DNAH3: variants seen among roughly 807,000 people sequenced by gnomAD.
DNAH3 encodes the protein axonemal beta dynein heavy chain 3.
A neutral mutation model predicts 432.5 loss-of-function variants in DNAH3; 332 were observed. That is an observed-to-expected ratio of 0.77 (90% CI 0.70 to 0.84). The LOEUF is 0.84. Ranked by LOEUF, DNAH3 falls within the 40% of genes least tolerant of loss-of-function variation. The probability of loss-of-function intolerance (pLI) is 0.00; values close to 1 mark genes in which losing one functional copy is unlikely to be tolerated. For missense variants in DNAH3, 4,861 were observed against 5,114.0 expected, an observed-to-expected ratio of 0.95 and a Z score of 1.51; for synonymous variants, 1,956 against 1,900.2, an observed-to-expected ratio of 1.03 and a Z score of -0.76.
chr16:20,983,113 T>C lies in DNAH3; in HGVS notation c.7666-199A>G, dbSNP rs534814029. ...GGAGCCCATTACAATAGCCCCTTTT[T>C]AAAAAAAATTTTAATTTTTTATTTT... On this transcript the variant is annotated intron_variant, in intron 48 of 61. Coordinates refer to ENST00000261383, the Ensembl canonical transcript of DNAH3. Among the ~76,000 whole-genome samples, 7 of 151,978 alleles carry C rather than the reference T, an allele frequency of 4.6e-5. No homozygotes were observed. The East Asian group carries it at 9.7e-4, about 21-fold the overall frequency.
At chr16:20,941,360 C>G in intron 59 of DNAH3, 41 bp downstream of exon 59, 1 of 1,611,104 alleles carries the variant, frequency 6.2e-7, no homozygotes, top group Non-Finnish European at 8.5e-7. Flanking sequence ...CTACTCCTCA[C>G]GTTCCAACTC....
intron 25 of DNAH3, among the ~76,000 whole-genome samples, chr16:21,061,981 T>C (rs536306945): frequency 6.6e-6 from 1 of 152,346 alleles, no homozygotes; most frequent in Non-Finnish European, 1.5e-5. Flanking sequence ...TGCTTGTCTA[T>C]TTCCACTTGA....
chr16:20,958,886 G>C (rs1318619900), intron 54 of DNAH3, among the ~76,000 whole-genome samples: 1 of 152,128 alleles, frequency 6.6e-6, no homozygotes, highest in Non-Finnish European at 1.5e-5. Flanking sequence ...TCCCACCTCA[G>C]CCTCCTGAGT....
chr16:20,944,505 C>T lies in DNAH3; in HGVS notation c.11502G>A (p.Lys3834=), dbSNP rs1313953526. 6.2e-6 allele frequency: 10 copies of T among 1,614,110 alleles called. No homozygotes were observed. In the East Asian group the frequency reaches 8.9e-5, roughly 14 times the overall value. The change falls in exon 58 of 62, where the codon AAG becomes AAA. Residue 3834 remains lysine, a synonymous_variant. Transcript: ENST00000261383. ...TCCCGAGCCCAGTTACCTGAGGGGA[C>T]TTGCCACTTCCTCCTGACTGTCTAG...
chr16:20,979,322 G>C lies in DNAH3; in HGVS notation c.8076+8C>G, dbSNP rs770538287. The stretch of plus-strand genomic sequence containing the variant: ...TCTTTGTCTCTGTTCTGTTTTGGCA[G>C]TGCTCACCTGAGAAGCTGCAAAGTC... On this transcript the variant is annotated splice_region_variant and intron_variant, in intron 50 of 61. Coordinates refer to ENST00000261383, the Ensembl canonical transcript of DNAH3. 6.2e-7 allele frequency: 1 copy of C among 1,613,534 alleles called. No individual in the cohort carries two copies.
chr16:21,130,207 C>A (rs1436917053), intron 7 of DNAH3: 1 of 150,636 alleles, frequency 6.6e-6, no homozygotes, highest in Non-Finnish European at 1.5e-5. Flanking sequence ...CCTCCTAGAA[C>A]TATTGATGCT....
At chr16:21,152,795 C>G (rs1597503602) in intron 1 of DNAH3, among the ~76,000 whole-genome samples, 1 of 152,372 alleles carries the variant, frequency 6.6e-6, no homozygotes, top group East Asian at 1.9e-4. Context: ...CCCACCGGCG[C>G]TGCGCTCCAT....
chr16:21,005,839 C>CTT (rs200954605), intron 41 of DNAH3, among the ~76,000 whole-genome samples: 1,602 of 130,712 alleles, frequency 0.012, 23 homozygotes, highest in African/African-American at 0.042. Flanking sequence ...TTGCTCTATT[C>CTT]TTTTTTTTTT....
At chr16:21,101,869 A>C (rs1036093129) in intron 16 of DNAH3, among the ~76,000 whole-genome samples, 41 of 152,256 alleles carry the variant, frequency 2.7e-4, no homozygotes, top group Admixed American at 9.8e-4. Context: ...AACAGACAAG[A>C]GAATCCAACA....
chr16:20,997,835 TA>T (rs765854199), intron 43 of DNAH3, among the ~76,000 whole-genome samples: 3,083 of 74,532 alleles, frequency 0.041, 109 homozygotes, highest in African/African-American at 0.12. Context: ...CCTGTCTCCA[TA>T]AAAAAAAAAA....
chr16:21,145,315 C>T, exon 3 of DNAH3: 3 of 1,614,122 alleles, frequency 1.9e-6, no homozygotes, highest in Non-Finnish European at 2.5e-6. Flanking sequence ...ATCACTGGGT[C>T]CACGGTGGTG....
intron 29 of DNAH3, among the ~76,000 whole-genome samples, chr16:21,050,772 A>G (rs1013512402): frequency 6.6e-6 from 1 of 152,238 alleles, no homozygotes; most frequent in Non-Finnish European, 1.5e-5. Flanking sequence ...TTCAGGAATC[A>G]TATTTGATTC....
chr16:21,134,456 T>C lies in DNAH3; in HGVS notation c.887-2A>G. ...TTGGGTCCATGAGGATGTAATCAACTACAACCGGAAAGGGCGAACACCTCA... is the reference window on the plus strand; with the variant it reads ...TTGGGTCCATGAGGATGTAATCAACCACAACCGGAAAGGGCGAACACCTCA... On this transcript the variant is annotated splice_acceptor_variant, in intron 6 of 61. Transcript: ENST00000261383. LOFTEE classifies it high-confidence loss of function. The C allele has an allele frequency of 6.2e-7, 1 of 1,613,268 alleles. No homozygotes were observed. The highest frequency in any genetic ancestry group is 8.5e-7 in the Non-Finnish European group (1 of 1,179,600).
At chr16:21,100,218 C>A (rs2091801570) in intron 16 of DNAH3, among the ~76,000 whole-genome samples, 2 of 152,070 alleles carry the variant, frequency 1.3e-5, no homozygotes, top group Non-Finnish European at 2.9e-5. Context: ...ATTATAGGTG[C>A]CCGCCACCAT....
At chr16:21,057,408 C>T (rs568480993) in intron 27 of DNAH3, among the ~76,000 whole-genome samples, 41 of 152,220 alleles carry the variant, frequency 2.7e-4, no homozygotes, top group African/African-American at 8.7e-4. Context: ...GTCTAAGTAC[C>T]GAATCATTTA....
intron 41 of DNAH3, among the ~76,000 whole-genome samples, chr16:21,015,943 C>T (rs1464978184): frequency 6.6e-6 from 1 of 152,054 alleles, no homozygotes; most frequent in Non-Finnish European, 1.5e-5. Flanking sequence ...TGCCCACGAC[C>T]ATGTCCAGCT....
intron 5 of DNAH3, among the ~76,000 whole-genome samples, chr16:21,136,851 CA>C (rs969379456): frequency 8.6e-5 from 13 of 152,014 alleles, no homozygotes; most frequent in African/African-American, 3.1e-4. Flanking sequence ...AGAGGAATAA[CA>C]GGCCAGGTGT....
intron 41 of DNAH3, 80 bp from the exon 42 acceptor site, chr16:21,003,287 C>A: frequency 1.2e-6 from 1 of 865,398 alleles, no homozygotes. Context: ...TTAAGTCCCT[C>A]AGTTATCAGC....
intron 26 of DNAH3, among the ~76,000 whole-genome samples, chr16:21,059,460 G>A (rs2090263532): frequency 6.6e-6 from 1 of 152,074 alleles, no homozygotes; most frequent in African/African-American, 2.4e-5. Flanking sequence ...TGTGGGTGCT[G>A]GGAATAAGAA....
Sources: allele counts gnomAD v4.1 joint callset (sites outside exome capture counted in the v4.1 genomes callset), GRCh38; gene constraint gnomAD v4.1.1; transcripts MANE v1.5; gene names NCBI Gene and HGNC (gene_info 2026-07-23, HGNC 2026-07-21).